Variants in DYNC1LI1 observed in about 807,000 individuals in gnomAD.
The protein encoded by DYNC1LI1 is cytoplasmic dynein 1 light intermediate chain 1.
DYNC1LI1 carries 19 observed loss-of-function variants against 63.8 expected under a neutral mutation model. The observed-to-expected ratio is 0.30, with a 90% CI of 0.21 to 0.44. DYNC1LI1 has a LOEUF of 0.44. Among genes scored for constraint, DYNC1LI1 ranks in the 20% least tolerant of loss-of-function variants. The pLI is 1.00. For synonymous variants in DYNC1LI1, 225 were observed against 232.3 expected (o/e 0.97, Z 0.28); for missense variants, 565 against 630.2 (o/e 0.90, Z 1.11).
At chr3:32,565,021 T>C (rs923649558) in intron 2 of DYNC1LI1, among the ~76,000 whole-genome samples, 1 of 152,188 alleles carries the variant, frequency 6.6e-6, no homozygotes, top group East Asian at 1.9e-4. Context: ...ATTGATGATG[T>C]TCAGCATTTT....
intron 2 of DYNC1LI1, among the ~76,000 whole-genome samples, chr3:32,565,670 C>T (rs545533496): frequency 9.2e-5 from 14 of 152,182 alleles, no homozygotes; most frequent in Non-Finnish European, 2.1e-4. Flanking sequence ...AGTGCAATGG[C>T]GCCATCTTGG....
intron 6 of DYNC1LI1, among the ~76,000 whole-genome samples, chr3:32,535,551 A>T (rs1015830572): frequency 2.6e-5 from 4 of 152,196 alleles, no homozygotes; most frequent in African/African-American, 7.2e-5. Context: ...AACTTACTAA[A>T]CTTACTTTGA....
rs141229410 is a variant in DYNC1LI1, at chr3:32,534,148, T to G, written c.968+363A>C. On this transcript the variant is annotated intron_variant, in intron 7 of 12. Transcript: ENST00000273130. ...CTCTTGGCCTCCCAAAGTGCTGGGATTAGAAGCGTGAGCCACCGTGCTCAG... is the reference window on the plus strand; with the variant it reads ...CTCTTGGCCTCCCAAAGTGCTGGGAGTAGAAGCGTGAGCCACCGTGCTCAG... Among the ~76,000 whole-genome samples the G allele has an allele frequency of 4.4e-3, 664 of 152,248 alleles. 6 individuals are homozygous for G. The highest frequency in any genetic ancestry group is 0.014 in the African/African-American group (566 of 41,544).
Position 32,544,918 on chromosome 3 carries a change from G to A in DYNC1LI1, c.526C>T (p.Leu176=). 1 of 1,613,836 alleles carries A rather than the reference G, an allele frequency of 6.2e-7. No homozygotes were observed. The highest frequency in any genetic ancestry group is 1.7e-5 in the Admixed American group (1 of 60,002). Residue 176 remains leucine, a synonymous_variant, in exon 4 of 13, where the codon CTG becomes TTG. Transcript: ENST00000273130. ...ASVVREHVDK[L]KIPPEEMKQM... ...TTCATTTCTTCAGGAGGGATTTTCAGTTTGTCAACATGTTCTCTAACAACA... is the reference window on the plus strand; with the variant it reads ...TTCATTTCTTCAGGAGGGATTTTCAATTTGTCAACATGTTCTCTAACAACA...
chr3:32,566,670 G>A (rs763984486), intron 2 of DYNC1LI1: 5 of 422,566 alleles, frequency 1.2e-5, no homozygotes, highest in East Asian at 8.1e-5. Context: ...CCTAGGAGGT[G>A]GAGGTTGCAG....
In DYNC1LI1 at chr3:32,570,372, G is replaced by T; in HGVS notation, c.194C>A (p.Pro65His). The change falls in exon 2 of 13, where the codon CCT becomes CAT. Residue 65 changes from proline to histidine, a missense_variant. Transcript: ENST00000273130. ...CAGCAGTAGCACGTTCTTCCCCGCA[G>T]GGAGCTTGGAGCGCGAGCGGGTGGA... ...EVSTRSRSKL[P>H]AGKNVLLLGE... The T allele has an allele frequency of 6.2e-7, 1 of 1,604,480 alleles. No homozygotes were observed. Among genetic ancestry groups the T allele is most frequent in the Non-Finnish European group, 8.5e-7 (1 of 1,176,146 alleles).
Position 32,570,605 on chromosome 3 carries a change from G to C in DYNC1LI1, c.146+20C>G. 4.5e-6 allele frequency: 7 copies of C among 1,555,788 alleles called. No homozygotes were observed. Among genetic ancestry groups the C allele is most frequent in the Non-Finnish European group, 6.1e-6 (7 of 1,149,926 alleles). On this transcript the variant is annotated intron_variant, in intron 1 of 12. Coordinates refer to ENST00000273130, the MANE Select transcript of DYNC1LI1 (RefSeq NM_016141.4). ...GGCCGGGGGAGCCAGCGGGGGCTGA[G>C]GGAGAGGTGGAGTCGTTACCAAAGG...
In DYNC1LI1 at chr3:32,544,953, T is replaced by A; in HGVS notation, c.491A>T (p.Lys164Ile). 1.9e-6 allele frequency: 3 copies of A among 1,614,108 alleles called. No individual in the cohort carries two copies. Among genetic ancestry groups the A allele is most frequent in the Non-Finnish European group, 2.5e-6 (3 of 1,179,994 alleles). Residue 164 changes from lysine to isoleucine, a missense_variant, in exon 4 of 13, where the codon AAA (lysine) becomes ATA (isoleucine). Transcript: ENST00000273130. ...ATGTTCTCTAACAACACTTGCCCAT[T>A]TCTGTAAAGAATCCAAAGCAGTCCA... ...KPWTALDSLQ[K>I]WASVVREHVD...
At position 32,533,024 on chromosome 3, in the gene DYNC1LI1, T is replaced by C; in HGVS notation, c.1042A>G (p.Asn348Asp). Residue 348 changes from asparagine (N) to aspartate (D), a missense_variant, in exon 8 of 13, where the codon AAT (asparagine) becomes GAT (aspartate). Asn to Asp is a conservative substitution (Grantham distance 23). Coordinates refer to ENST00000273130, the MANE Select transcript of DYNC1LI1 (RefSeq NM_016141.4). ...ENFQTLKAED[N>D]FEDIITKPPV... Reference sequence around the variant, plus strand: ...GGTTTAGTTATGATGTCTTCAAAATTATCTTCTGCTTTTAATGTTTGAAAA... The same window carrying C: ...GGTTTAGTTATGATGTCTTCAAAATCATCTTCTGCTTTTAATGTTTGAAAA... 6.2e-7 allele frequency: 1 copy of C among 1,603,258 alleles called. No individual in the cohort carries two copies. Among genetic ancestry groups the C allele is most frequent in the Non-Finnish European group, 8.5e-7 (1 of 1,177,638 alleles).
intron 12 of DYNC1LI1, among the ~76,000 whole-genome samples, chr3:32,528,158 G>GATACATAT (rs1575146603): frequency 8.8e-6 from 1 of 113,116 alleles, no homozygotes; most frequent in Admixed American, 9.4e-5. Flanking sequence ...ATGAAATATT[G>GATACATAT]ATACATATTA....
At chr3:32,561,615 C>T (rs1038704612) in intron 2 of DYNC1LI1, among the ~76,000 whole-genome samples, 11 of 150,042 alleles carry the variant, frequency 7.3e-5, no homozygotes, top group Non-Finnish European at 1.5e-5. Context: ...GGTGACAGAG[C>T]GAGACTTCAT....
chr3:32,546,894 T>G (rs1697962605), intron 2 of DYNC1LI1, among the ~76,000 whole-genome samples: 1 of 152,094 alleles, frequency 6.6e-6, no homozygotes, highest in South Asian at 2.1e-4. Flanking sequence ...AAAGTATTAA[T>G]GACAGAAAAT....
chr3:32,541,792 T>A (rs1697885199), intron 4 of DYNC1LI1, among the ~76,000 whole-genome samples: 1 of 152,198 alleles, frequency 6.6e-6, no homozygotes, highest in African/African-American at 2.4e-5. Context: ...TGTGAATGTA[T>A]CAAGAGACTT....
At chr3:32,527,975 G>A (rs1241344950) in intron 12 of DYNC1LI1, among the ~76,000 whole-genome samples, 1 of 151,556 alleles carries the variant, frequency 6.6e-6, no homozygotes, top group Non-Finnish European at 1.5e-5. Context: ...ACAAAAATTA[G>A]CCAGGCATGG....
intron 9 of DYNC1LI1, 34 bp downstream of exon 9, chr3:32,530,427 C>T (rs755965236): frequency 1.2e-6 from 2 of 1,606,766 alleles, no homozygotes; most frequent in South Asian, 2.2e-5. Context: ...TACCCATTAA[C>T]CATACTAAGT....
intron 4 of DYNC1LI1, among the ~76,000 whole-genome samples, chr3:32,543,937 G>A (rs1178855838): frequency 2.0e-5 from 3 of 151,162 alleles, no homozygotes; most frequent in Admixed American, 1.3e-4. Context: ...ATGGTGGTAC[G>A]TGCCTGTACT....
chr3:32,555,038 T>G (rs1698094035), intron 2 of DYNC1LI1, among the ~76,000 whole-genome samples: 1 of 151,996 alleles, frequency 6.6e-6, no homozygotes, highest in African/African-American at 2.4e-5. Flanking sequence ...CCCGGCTAGT[T>G]TTTGTGGTTT....
chr3:32,535,018 T>C (rs1315821820), intron 6 of DYNC1LI1, among the ~76,000 whole-genome samples: 1 of 152,224 alleles, frequency 6.6e-6, no homozygotes, highest in Non-Finnish European at 1.5e-5. Flanking sequence ...AACAGCTGTT[T>C]TGTTTGCCTT....
intron 2 of DYNC1LI1, among the ~76,000 whole-genome samples, chr3:32,548,692 CTA>C (rs1285103079): frequency 6.6e-6 from 1 of 152,094 alleles, no homozygotes; most frequent in African/African-American, 2.4e-5. Context: ...AACTTGGTGA[CTA>C]TAGTTATTAA....
Sources: gnomAD v4.1 joint callset for allele counts (sites outside exome capture counted in the v4.1 genomes callset) on GRCh38, gnomAD v4.1.1 for gene constraint, MANE v1.5 for transcripts, NCBI Gene and HGNC (gene_info 2026-07-23, HGNC 2026-07-21) for gene names.